Variants in DOCK3 observed in about 807,000 individuals in gnomAD.
DOCK3 encodes dedicator of cytokinesis 3, also known as dedicator of cytokinesis protein 3.
Under a neutral mutation model 265.6 loss-of-function variants are expected in DOCK3, and 60 were observed. The ratio of observed to expected loss-of-function variants is 0.23; its 90% CI spans 0.18 to 0.28. The LOEUF (loss-of-function observed/expected upper bound fraction) is 0.28, where lower values mean the gene tolerates loss of function less well. DOCK3 is among the 10% of genes least tolerant of loss of function. The pLI is 1.00. For missense variants in DOCK3, 1,981 were observed against 2,594.3 expected, an observed-to-expected ratio of 0.76 and a Z score of 5.14; for synonymous variants, 881 against 938.0, an observed-to-expected ratio of 0.94 and a Z score of 1.11.
intron 27 of DOCK3, among the ~76,000 whole-genome samples, chr3:51,290,661 G>A (rs1560366082): frequency 6.6e-6 from 1 of 152,060 alleles, no homozygotes; most frequent in East Asian, 1.9e-4. Context: ...TTGTGCATAT[G>A]TACCCTAGAA....
chr3:51,348,409 A>G (rs1168213854), intron 38 of DOCK3, among the ~76,000 whole-genome samples: 3 of 152,222 alleles, frequency 2.0e-5, no homozygotes, highest in African/African-American at 7.2e-5. Flanking sequence ...TATCTCATCA[A>G]ATAAATCTTT....
intron 9 of DOCK3, among the ~76,000 whole-genome samples, chr3:51,097,977 T>C (rs1216983327): frequency 1.3e-5 from 2 of 152,118 alleles, no homozygotes; most frequent in Admixed American, 6.5e-5. Context: ...ATGAGCTGGG[T>C]ACCTCAATTG....
At chr3:51,243,434 T>G (rs903402559) in intron 21 of DOCK3, among the ~76,000 whole-genome samples, 17 of 152,124 alleles carry the variant, frequency 1.1e-4, no homozygotes, top group Admixed American at 1.1e-3. Context: ...CTGGGTTTTT[T>G]TTTTTATAGT....
intron 3 of DOCK3, among the ~76,000 whole-genome samples, chr3:50,879,337 T>G (rs2047900371): frequency 6.6e-6 from 1 of 152,096 alleles, no homozygotes; most frequent in Non-Finnish European, 1.5e-5. Context: ...GACTGGCAAA[T>G]TGCATAAAGA....
chr3:51,228,615 T>C (rs2090426367), intron 17 of DOCK3, 46 bp from the exon 18 acceptor site: 1 of 1,568,228 alleles, frequency 6.4e-7, no homozygotes, highest in Non-Finnish European at 8.6e-7. Context: ...GGTTTTTGCA[T>C]GTTGCATGGC....
At chr3:51,219,601 T>G (rs532310222) in intron 14 of DOCK3, among the ~76,000 whole-genome samples, 5 of 152,344 alleles carry the variant, frequency 3.3e-5, no homozygotes, top group African/African-American at 1.2e-4. Flanking sequence ...GACTGATCAG[T>G]TGCATTCATT....
At chr3:50,809,420 A>G (rs1266863100) in intron 2 of DOCK3, among the ~76,000 whole-genome samples, 4 of 152,196 alleles carry the variant, frequency 2.6e-5, no homozygotes, top group African/African-American at 9.6e-5. Context: ...CACGATACCA[A>G]GTGCTAGTGA....
rs188072376 is a variant in DOCK3, at chr3:51,034,368, T to C, written c.316-30080T>C. Among the ~76,000 whole-genome samples, 414 of 152,240 alleles carry C rather than the reference T, an allele frequency of 2.7e-3. 1 individual carries two copies. The highest frequency in any genetic ancestry group is 4.1e-3 in the South Asian group (20 of 4,830). On this transcript the variant is annotated intron_variant, in intron 5 of 52. Transcript: ENST00000266037. ...ATTTTAAGAATTCTATTATAATTTATGTATCAGCTTTTAAGATATACTTCT... is the reference window on the plus strand; with the variant it reads ...ATTTTAAGAATTCTATTATAATTTACGTATCAGCTTTTAAGATATACTTCT...
chr3:51,258,873 G>A lies in DOCK3; in HGVS notation c.2185-1283G>A, dbSNP rs576438344. 2.4e-4 allele frequency among the ~76,000 whole-genome samples: 37 copies of A among 152,220 alleles called. 1 individual carries two copies. Among genetic ancestry groups the A allele is most frequent in the Non-Finnish European group, 3.4e-4 (23 of 68,004 alleles). On this transcript the variant is annotated intron_variant, in intron 22 of 52. Transcript: ENST00000266037. ...TGCAAACATTTATTTTCTTTGTTCC[G>A]ATAGAAAATACCTCCTACTTCAGTG...
At chr3:51,090,992 G>A (rs2082615991) in intron 9 of DOCK3, among the ~76,000 whole-genome samples, 1 of 152,162 alleles carries the variant, frequency 6.6e-6, no homozygotes, top group African/African-American at 2.4e-5. Context: ...ATAACAGAAT[G>A]CAAAAGAAAA....
intron 2 of DOCK3, among the ~76,000 whole-genome samples, chr3:50,801,843 G>T (rs1016428332): frequency 6.6e-6 from 1 of 152,086 alleles, no homozygotes; most frequent in Non-Finnish European, 1.5e-5. Flanking sequence ...TTCTTCATTT[G>T]GGTCTAATAG....
intron 5 of DOCK3, among the ~76,000 whole-genome samples, chr3:51,049,199 G>GC: frequency 6.6e-6 from 1 of 152,138 alleles, no homozygotes; most frequent in South Asian, 2.1e-4. Context: ...GGTGATGCAT[G>GC]CGTGTAGTCC....
At chr3:51,316,494 G>T (rs745636311) in intron 32 of DOCK3, among the ~76,000 whole-genome samples, 1 of 152,318 alleles carries the variant, frequency 6.6e-6, no homozygotes, top group South Asian at 2.1e-4. Flanking sequence ...GAATAGGATT[G>T]TTGGGCCTTG....
At chr3:51,249,324 G>C (rs1412805004) in intron 22 of DOCK3, among the ~76,000 whole-genome samples, 2 of 146,606 alleles carry the variant, frequency 1.4e-5, no homozygotes, top group Non-Finnish European at 3.0e-5. Context: ...CCGGGAGGGA[G>C]GTGGGGGGTT....
chr3:51,303,360 C>T (rs1306026771), intron 27 of DOCK3, among the ~76,000 whole-genome samples: 1 of 152,178 alleles, frequency 6.6e-6, no homozygotes, highest in Non-Finnish European at 1.5e-5. Context: ...AGAACATGCT[C>T]CTTTAGCTCA....
intron 5 of DOCK3, among the ~76,000 whole-genome samples, chr3:51,018,441 G>GTTT (rs34676863): frequency 2.1e-5 from 3 of 141,914 alleles, no homozygotes; most frequent in Admixed American, 7.0e-5. Flanking sequence ...CCACAAAAAA[G>GTTT]TTTTTTTTTT....
At chr3:51,205,124 A>G (rs2089102865) in intron 12 of DOCK3, among the ~76,000 whole-genome samples, 1 of 152,262 alleles carries the variant, frequency 6.6e-6, no homozygotes, top group Admixed American at 6.5e-5. Context: ...TATGTAACTT[A>G]CCTGCACATT....
At chr3:50,711,476 A>G (rs759001036) in intron 1 of DOCK3, among the ~76,000 whole-genome samples, 6 of 151,914 alleles carry the variant, frequency 3.9e-5, no homozygotes, top group Admixed American at 6.6e-5. Context: ...GTTAGCCAGG[A>G]TGGTCTCGAT....
chr3:51,271,679 A>G (rs900751594), intron 24 of DOCK3, among the ~76,000 whole-genome samples: 7 of 152,128 alleles, frequency 4.6e-5, no homozygotes, highest in East Asian at 1.9e-4. Context: ...GTGAAACCCT[A>G]TCTCTACTGA....
Sources: allele counts gnomAD v4.1 joint callset (sites outside exome capture counted in the v4.1 genomes callset), GRCh38; gene constraint gnomAD v4.1.1; transcripts MANE v1.5; gene names NCBI Gene and HGNC (gene_info 2026-07-23, HGNC 2026-07-21).